MYCBP2: variants seen among roughly 807,000 people sequenced by gnomAD.
The protein encoded by MYCBP2 is MYC binding protein 2.
A neutral mutation model predicts 525.3 loss-of-function variants in MYCBP2; 120 were observed. The observed-to-expected ratio is 0.23, with a 90% CI of 0.20 to 0.27. The LOEUF (loss-of-function observed/expected upper bound fraction) is 0.27, where lower values mean the gene tolerates loss of function less well. Ranked by LOEUF, MYCBP2 falls within the 10% of genes least tolerant of loss-of-function variation. The probability of loss-of-function intolerance (pLI) is 1.00; values close to 1 mark genes in which losing one functional copy is unlikely to be tolerated. For missense variants in MYCBP2, 4,149 were observed against 5,657.1 expected, an observed-to-expected ratio of 0.73 and a Z score of 8.55; for synonymous variants, 1,894 against 1,955.8, an observed-to-expected ratio of 0.97 and a Z score of 0.83.
At chr13:77,115,905 C>G (rs1174128741) in intron 55 of MYCBP2, among the ~76,000 whole-genome samples, 1 of 151,460 alleles carries the variant, frequency 6.6e-6, no homozygotes, top group East Asian at 1.9e-4. Context: ...AGCTAATACT[C>G]TAGATGCCAG....
In MYCBP2 at chr13:77,068,766, A is replaced by G. The variant is rs1205996834; in HGVS notation, c.11970T>C (p.His3990=). The change falls in exon 70 of 83, where the codon CAT becomes CAC. Residue 3990 remains histidine (H), a synonymous_variant. Transcript: ENST00000544440. ...TGGCATTTTCTTTGCTTGATATAGC[A>G]TGTTCCCATTCTTCACGGACTCTGG... ...EATRVREEWE[H]AISSKENANS... The G allele has an allele frequency of 6.2e-7, 1 of 1,614,046 alleles. No homozygotes were observed. The highest frequency in any genetic ancestry group is 1.3e-5 in the African/African-American group (1 of 74,920).
chr13:77,310,258 C>T (rs1027651617), intron 1 of MYCBP2, among the ~76,000 whole-genome samples: 2 of 152,126 alleles, frequency 1.3e-5, no homozygotes, highest in Admixed American at 1.3e-4. Context: ...TTTTATGCAC[C>T]CCGCTACCTA....
At chr13:77,110,604 T>C (rs2048656517) in intron 55 of MYCBP2, among the ~76,000 whole-genome samples, 1 of 152,154 alleles carries the variant, frequency 6.6e-6, no homozygotes, top group Non-Finnish European at 1.5e-5. Context: ...CCCTCCCTTT[T>C]TGATAAAAAC....
In MYCBP2 at chr13:77,045,211, C is replaced by A; in HGVS notation, c.*167G>T. The A allele has an allele frequency of 2.1e-6, 1 of 475,670 alleles. No homozygotes were observed. The highest frequency in any genetic ancestry group is 3.7e-6 in the Non-Finnish European group (1 of 268,992). 29.5% of individuals were successfully genotyped at this position (475,670 alleles called of 1,614,324 possible). ...AAAATAATGGGGAAACTTTTCATAG[C>A]AAGAATTATGTACATGGTATTTGGT... is the stretch of plus-strand genomic sequence containing the variant. On this transcript the variant is annotated 3_prime_UTR_variant, in exon 83 of 83. Transcript: ENST00000544440.
intron 56 of MYCBP2, 126 bp from the exon 57 acceptor site, chr13:77,096,607 T>C: frequency 2.0e-6 from 2 of 982,436 alleles, no homozygotes; most frequent in Non-Finnish European, 2.9e-6. Context: ...GTAGATATCT[T>C]ATTTTTCAGG....
chr13:77,089,827 G>C (rs1270024420), intron 60 of MYCBP2, among the ~76,000 whole-genome samples: 1 of 151,972 alleles, frequency 6.6e-6, no homozygotes, highest in African/African-American at 2.4e-5. Context: ...GATAATGGTT[G>C]TAACATTTGG....
At chr13:77,096,545 T>G in intron 56 of MYCBP2, 64 bp from the exon 57 acceptor site, 1 of 1,510,530 alleles carries the variant, frequency 6.6e-7, no homozygotes, top group Non-Finnish European at 9.0e-7. Context: ...TGATCCTTAT[T>G]ACTCATACAT....
At chr13:77,050,774 A>G (rs1445149568) in intron 82 of MYCBP2, among the ~76,000 whole-genome samples, 1 of 152,112 alleles carries the variant, frequency 6.6e-6, no homozygotes, top group Non-Finnish European at 1.5e-5. Context: ...CTCACTCCCC[A>G]TGAGATCTGC....
At chr13:77,121,583 A>C in intron 54 of MYCBP2, 88 bp from the exon 55 acceptor site, 3 of 1,280,330 alleles carry the variant, frequency 2.3e-6, no homozygotes, top group Non-Finnish European at 3.1e-6. Context: ...AAAAGATTTT[A>C]TGATGGTTAG....
At position 77,067,651 on chromosome 13, in the gene MYCBP2, T is replaced by A; in HGVS notation, c.12385A>T (p.Thr4129Ser). 6.2e-7 allele frequency: 1 copy of A among 1,614,178 alleles called. No homozygotes were observed. Among genetic ancestry groups the A allele is most frequent in the Non-Finnish European group, 8.5e-7 (1 of 1,180,010 alleles). ...CCCACAGTGGTACCAGCTGTTCCAG[T>A]GATGGTGGTTCCTTTGGCTTTTAGC... ...VQLKAKGTTI[T>S]GTAGTTVGKG... The change falls in exon 71 of 83, where the codon ACT becomes TCT. Residue 4129 changes from threonine (T) to serine (S), a missense_variant. Thr to Ser is a moderately conservative substitution (Grantham distance 58). Transcript: ENST00000544440.
chr13:77,194,517 T>G (rs2061572087), intron 26 of MYCBP2, among the ~76,000 whole-genome samples: 1 of 152,188 alleles, frequency 6.6e-6, no homozygotes, highest in Admixed American at 6.5e-5. Context: ...TATACAAGTT[T>G]TGTACCTAAT....
At chr13:77,118,306 T>C (rs771378545) in intron 55 of MYCBP2, 1 of 728,636 alleles carries the variant, frequency 1.4e-6, no homozygotes, top group African/African-American at 1.7e-5. Context: ...GCTTCAGAAA[T>C]GCTTGATGAG....
chr13:77,058,323 G>T lies in MYCBP2; in HGVS notation c.13224C>A (p.Pro4408=). The T allele has an allele frequency of 1.2e-6, 2 of 1,614,106 alleles. No individual in the cohort carries two copies. The highest frequency in any genetic ancestry group is 1.7e-4 in the Middle Eastern group (1 of 6,060). The change falls in exon 78 of 83, where the codon CCC becomes CCA. Residue 4408 remains proline, a synonymous_variant. Coordinates refer to ENST00000544440, the MANE Select transcript of MYCBP2 (RefSeq NM_015057.5). The surrounding 1 kb of genome is among the most constrained non-coding windows in gnomAD (Gnocchi z 4.1). ...CACTTTTGTCACAGCCGTGTAGACA[G>T]GGCAGACAGTGCTCTTCGTTTTTAA... ...GGVKNEEHCL[P]CLHGCDKSAT...
intron 47 of MYCBP2, 112 bp downstream of exon 47, chr13:77,150,622 A>G: frequency 1.2e-6 from 1 of 807,678 alleles, no homozygotes; most frequent in Non-Finnish European, 2.0e-6. Flanking sequence ...TTTAATATCC[A>G]TCAAATGCTC....
chr13:77,051,222 A>G, intron 81 of MYCBP2, 60 bp from the exon 82 acceptor site: 1 of 1,460,518 alleles, frequency 6.8e-7, no homozygotes, highest in Non-Finnish European at 9.3e-7. Context: ...AATCACACTT[A>G]AGATAGGCAT....
At chr13:77,285,589 C>T (rs1292293235) in intron 3 of MYCBP2, among the ~76,000 whole-genome samples, 2 of 152,104 alleles carry the variant, frequency 1.3e-5, no homozygotes, top group South Asian at 4.1e-4. Context: ...GAGTTTGAGA[C>T]CAGCTTTACC....
chr13:77,146,041 A>C (rs911872025), intron 48 of MYCBP2, 121 bp downstream of exon 48: 1 of 595,756 alleles, frequency 1.7e-6, no homozygotes, highest in East Asian at 3.0e-5. Flanking sequence ...CTCTATCGGC[A>C]ACCTAGAAAA....
chr13:77,229,580 G>A (rs1380505793), intron 18 of MYCBP2, among the ~76,000 whole-genome samples: 2 of 152,152 alleles, frequency 1.3e-5, no homozygotes, highest in African/African-American at 4.8e-5. Context: ...ATTAAAGCTA[G>A]TATTCATGGA....
At chr13:77,078,678 G>A (rs1488904550) in intron 66 of MYCBP2, 146 bp downstream of exon 66, 1 of 656,898 alleles carries the variant, frequency 1.5e-6, no homozygotes, top group African/African-American at 1.8e-5. Context: ...CTATGTTTTG[G>A]ACCACTTGTC....
Sources: allele counts gnomAD v4.1 joint callset (sites outside exome capture counted in the v4.1 genomes callset), GRCh38; gene constraint gnomAD v4.1.1; non-coding constraint Gnocchi (gnomAD v3.1); transcripts MANE v1.5; gene names NCBI Gene and HGNC (gene_info 2026-07-23, HGNC 2026-07-21).